The following SV2C variants were observed in gnomAD, a reference collection of about 807,000 sequenced individuals.
SV2C encodes the protein solute carrier family 22 member B3.
In SV2C, 49 loss-of-function variants were observed where a neutral mutation model predicts 79.7. The ratio of observed to expected loss-of-function variants is 0.61; its 90% CI spans 0.49 to 0.78. SV2C has a LOEUF of 0.78. SV2C is among the 30% of genes least tolerant of loss of function. The pLI, the probability that SV2C is intolerant of heterozygous loss-of-function variation, is 0.00. For missense variants in SV2C, 833 were observed against 912.9 expected, an observed-to-expected ratio of 0.91 and a Z score of 1.13; for synonymous variants, 334 against 333.2, an observed-to-expected ratio of 1.00 and a Z score of -0.03.
intron 2 of SV2C, among the ~76,000 whole-genome samples, chr5:76,194,000 AT>A (rs1744188019): frequency 6.6e-6 from 1 of 152,176 alleles, no homozygotes; most frequent in South Asian, 2.1e-4. Context: ...GTGGTTATTG[AT>A]TGAATGCAGA....
intron 4 of SV2C, among the ~76,000 whole-genome samples, chr5:76,247,975 G>T (rs771544895): frequency 2.0e-5 from 3 of 152,230 alleles, no homozygotes; most frequent in Non-Finnish European, 4.4e-5. Context: ...AAGAGAATAA[G>T]CAAGGCCGTA....
the SV2C span, among the ~76,000 whole-genome samples, chr5:75,900,681 C>G: frequency 6.6e-6 from 1 of 152,104 alleles, no homozygotes; most frequent in Non-Finnish European, 1.5e-5. Context: ...TTCCACTCTC[C>G]CCGTCACTTT....
chr5:76,209,414 A>T (rs914522127), intron 3 of SV2C, among the ~76,000 whole-genome samples: 1 of 152,226 alleles, frequency 6.6e-6, no homozygotes, highest in African/African-American at 2.4e-5. Flanking sequence ...AGTTTTGATA[A>T]ATATCACACA....
chr5:75,931,412 G>T, the SV2C span, among the ~76,000 whole-genome samples: 1 of 152,194 alleles, frequency 6.6e-6, no homozygotes. Flanking sequence ...ATCATATGCT[G>T]CTCCAGAATA....
In SV2C at chr5:76,258,033, G is replaced by C. The variant is rs556051616; in HGVS notation, c.914-27129G>C. 2.7e-5 allele frequency among the ~76,000 whole-genome samples: 4 copies of C among 148,908 alleles called. No individual in the cohort carries two copies. The East Asian group carries it at 7.9e-4, about 29-fold the overall frequency. Reference sequence around the variant, plus strand: ...GTGTGTAGTGTGTGGGGTGTGGATTGTGTGGTGTATGGTATATGATATATG... The same window carrying C: ...GTGTGTAGTGTGTGGGGTGTGGATTCTGTGGTGTATGGTATATGATATATG... On this transcript the variant is annotated intron_variant, in intron 4 of 12. Transcript: ENST00000502798.
At chr5:75,902,912 G>A in the SV2C span, among the ~76,000 whole-genome samples, 1 of 152,220 alleles carries the variant, frequency 6.6e-6, no homozygotes, top group Non-Finnish European at 1.5e-5. Flanking sequence ...GAACTGGTGA[G>A]CAGGATGATC....
intron 2 of SV2C, among the ~76,000 whole-genome samples, chr5:76,139,505 T>C (rs1281805525): frequency 6.6e-6 from 1 of 152,022 alleles, no homozygotes; most frequent in African/African-American, 2.4e-5. Flanking sequence ...TGGCATTCTG[T>C]TTTTTTCTAT....
chr5:76,085,505 A>G (rs1216293609), intron 1 of SV2C, among the ~76,000 whole-genome samples: 1 of 152,110 alleles, frequency 6.6e-6, no homozygotes, highest in Non-Finnish European at 1.5e-5. Flanking sequence ...AATCTGCAGT[A>G]TGTAGGCAAA....
chr5:76,202,504 AG>A (rs1159755975), intron 3 of SV2C, among the ~76,000 whole-genome samples: 1 of 152,220 alleles, frequency 6.6e-6, no homozygotes, highest in African/African-American at 2.4e-5. Context: ...AGACTCAACC[AG>A]AAATGTCTCT....
chr5:76,090,508 T>C lies in SV2C; in HGVS notation c.-102+6996T>C, dbSNP rs78172094. ...CTAGTTCAGTGTTCTTTCTGCTACA[T>C]CATGCCTGTCTTCACCTAATTACAA... On this transcript the variant is annotated intron_variant, in intron 1 of 12. Coordinates refer to ENST00000502798, the MANE Select transcript of SV2C (RefSeq NM_014979.4). Among the ~76,000 whole-genome samples, 1,070 of 152,302 alleles carry C rather than the reference T, an allele frequency of 7.0e-3. 16 individuals carry two copies. The highest frequency in any genetic ancestry group is 0.025 in the African/African-American group (1,024 of 41,566).
chr5:75,955,520 G>GA, the SV2C span, among the ~76,000 whole-genome samples: 7 of 148,176 alleles, frequency 4.7e-5, no homozygotes, highest in Admixed American at 2.7e-4. Flanking sequence ...AAAAGCAATG[G>GA]CAACAAAAGC....
At chr5:76,084,609 G>A (rs1460429049) in intron 1 of SV2C, among the ~76,000 whole-genome samples, 4 of 151,178 alleles carry the variant, frequency 2.6e-5, no homozygotes, top group East Asian at 2.0e-4. Flanking sequence ...GGGGCTAGAG[G>A]TGCCGCCTGG....
intron 2 of SV2C, among the ~76,000 whole-genome samples, chr5:76,164,374 A>T (rs1742981429): frequency 6.6e-6 from 1 of 152,234 alleles, no homozygotes; most frequent in South Asian, 2.1e-4. Flanking sequence ...GTTAGGGACC[A>T]TTATTTGTGT....
At chr5:76,011,648 C>T in the SV2C span, among the ~76,000 whole-genome samples, 3 of 151,986 alleles carry the variant, frequency 2.0e-5, no homozygotes, top group Non-Finnish European at 4.4e-5. Flanking sequence ...TTCTGGGATA[C>T]ATGTGCAGAA....
chr5:76,195,186 C>A, intron 3 of SV2C, 87 bp downstream of exon 3: 1 of 1,346,278 alleles, frequency 7.4e-7, no homozygotes, highest in South Asian at 1.4e-5. Context: ...AGGAAATTAT[C>A]CCTTCACACA....
chr5:76,012,356 C>G, the SV2C span, among the ~76,000 whole-genome samples: 4 of 152,142 alleles, frequency 2.6e-5, no homozygotes, highest in Non-Finnish European at 2.9e-5. Flanking sequence ...TCGCTAATGA[C>G]CAGTGATGAT....
chr5:75,957,571 T>C, the SV2C span, among the ~76,000 whole-genome samples: 1 of 152,022 alleles, frequency 6.6e-6, no homozygotes, highest in Admixed American at 6.6e-5. Context: ...CTATACTAAC[T>C]TTTCTGCTCT....
the SV2C span, among the ~76,000 whole-genome samples, chr5:75,927,388 G>A: frequency 1.4e-4 from 21 of 151,988 alleles, no homozygotes; most frequent in African/African-American, 4.6e-4. Context: ...AGTGAAATAA[G>A]CCAGTCTCAG....
chr5:76,291,111 G>A (rs17566680), intron 6 of SV2C, 110 bp from the exon 7 acceptor site: 100,578 of 629,286 alleles, frequency 0.16, 9,765 homozygotes, highest in Middle Eastern at 0.21. Context: ...ACCAAATACC[G>A]CCTACTTCTT....
Sources: gnomAD v4.1 joint callset for allele counts (sites outside exome capture counted in the v4.1 genomes callset) on GRCh38, gnomAD v4.1.1 for gene constraint, MANE v1.5 for transcripts, NCBI Gene and HGNC (gene_info 2026-07-23, HGNC 2026-07-21) for gene names.